CACNA2D1: variants seen among roughly 807,000 people sequenced by gnomAD.
CACNA2D1 encodes calcium voltage-gated channel auxiliary subunit alpha2delta 1, also known as voltage-dependent calcium channel subunit alpha-2/delta-1.
In CACNA2D1, 53 loss-of-function variants were observed where a neutral mutation model predicts 171.5. That is an observed-to-expected ratio of 0.31 (90% CI 0.25 to 0.39). The LOEUF (loss-of-function observed/expected upper bound fraction) is 0.39. Among genes scored for constraint, CACNA2D1 ranks in the 10% least tolerant of loss-of-function variants. The pLI is 1.00. For missense variants in CACNA2D1, 903 were observed against 1,299.8 expected, an observed-to-expected ratio of 0.69 and a Z score of 4.69; for synonymous variants, 442 against 443.1, an observed-to-expected ratio of 1.00 and a Z score of 0.03.
At chr7:82,375,634 A>G (rs1482240337) in intron 1 of CACNA2D1, among the ~76,000 whole-genome samples, 1 of 152,094 alleles carries the variant, frequency 6.6e-6, no homozygotes, top group Non-Finnish European at 1.5e-5. Flanking sequence ...ACAATTCTGT[A>G]TTTTTTTATT....
chr7:82,068,908 A>C (rs1807984825), intron 7 of CACNA2D1, among the ~76,000 whole-genome samples: 1 of 152,160 alleles, frequency 6.6e-6, no homozygotes. Context: ...AAGGAAAGAA[A>C]AAAGTTAAAA....
At chr7:82,216,829 T>A (rs1398432217) in intron 3 of CACNA2D1, among the ~76,000 whole-genome samples, 1 of 145,652 alleles carries the variant, frequency 6.9e-6, no homozygotes, top group African/African-American at 2.5e-5. Context: ...AGTAAATATA[T>A]CTGTCAAAAA....
intron 4 of CACNA2D1, among the ~76,000 whole-genome samples, chr7:82,169,014 C>T (rs1317195190): frequency 2.6e-5 from 4 of 152,044 alleles, no homozygotes; most frequent in Non-Finnish European, 4.4e-5. Flanking sequence ...TCTATTATGA[C>T]TTTACACTGC....
intron 3 of CACNA2D1, among the ~76,000 whole-genome samples, chr7:82,221,426 C>A (rs531071644): frequency 6.6e-6 from 1 of 152,020 alleles, no homozygotes; most frequent in African/African-American, 2.4e-5. Flanking sequence ...TCTCTAATTC[C>A]GATTGAGCTA....
intron 6 of CACNA2D1, among the ~76,000 whole-genome samples, chr7:82,094,246 A>C (rs1811589503): frequency 6.6e-6 from 1 of 152,190 alleles, no homozygotes; most frequent in African/African-American, 2.4e-5. Context: ...AAAAGAAAAA[A>C]AAAAACTATA....
At chr7:82,226,710 A>G (rs754077190) in intron 3 of CACNA2D1, among the ~76,000 whole-genome samples, 2 of 152,200 alleles carry the variant, frequency 1.3e-5, no homozygotes, top group Non-Finnish European at 2.9e-5. Context: ...ATACTATGAG[A>G]TCAGAAGAGA....
intron 5 of CACNA2D1, among the ~76,000 whole-genome samples, chr7:82,122,566 T>A (rs1789862766): frequency 6.6e-6 from 1 of 152,198 alleles, no homozygotes; most frequent in African/African-American, 2.4e-5. Flanking sequence ...ATATGTAGTA[T>A]GAAGTTTTCA....
chr7:82,193,456 G>C (rs1351152510), intron 3 of CACNA2D1, among the ~76,000 whole-genome samples: 2 of 151,760 alleles, frequency 1.3e-5, no homozygotes, highest in Non-Finnish European at 2.9e-5. Flanking sequence ...GAGATGCGTG[G>C]GTTTGTGGAA....
chr7:82,183,807 A>G (rs1797386236), intron 3 of CACNA2D1, among the ~76,000 whole-genome samples: 1 of 152,090 alleles, frequency 6.6e-6, no homozygotes, highest in Non-Finnish European at 1.5e-5. Context: ...TACGCTCCCA[A>G]GATTGTGTCA....
intron 1 of CACNA2D1, among the ~76,000 whole-genome samples, chr7:82,423,630 G>A (rs1415759626): frequency 2.0e-5 from 3 of 152,114 alleles, no homozygotes; most frequent in Non-Finnish European, 4.4e-5. Flanking sequence ...AAAGCATTAC[G>A]ATTACTTTGA....
chr7:82,288,428 C>CACAG (rs1811108810), intron 3 of CACNA2D1, among the ~76,000 whole-genome samples: 1 of 58,494 alleles, frequency 1.7e-5, no homozygotes, highest in Admixed American at 1.6e-4. Context: ...TCTATACACA[C>CACAG]ACACACACAC....
In CACNA2D1 at chr7:82,060,552, A is replaced by G. The variant is rs773002190; in HGVS notation, c.780-25T>C. Reference sequence around the variant, plus strand: ...CCTAGAAATAGACAAATGGGTCCATACATGTTACTCATCATGTATTTAATC... The same window carrying G: ...CCTAGAAATAGACAAATGGGTCCATGCATGTTACTCATCATGTATTTAATC... On this transcript the variant is annotated intron_variant, in intron 9 of 38. Transcript: ENST00000356860. The G allele has an allele frequency of 2.3e-5, 30 of 1,312,158 alleles. No homozygotes were observed. In the Admixed American group the frequency reaches 5.1e-4, roughly 22 times the overall value. 81.3% of individuals were successfully genotyped at this position (1,312,158 alleles called of 1,614,324 possible).
At chr7:82,419,612 A>G (rs1011871021) in intron 1 of CACNA2D1, among the ~76,000 whole-genome samples, 1 of 152,214 alleles carries the variant, frequency 6.6e-6, no homozygotes, top group South Asian at 2.1e-4. Context: ...ACTAAATTTA[A>G]CAGCTTAATT....
intron 3 of CACNA2D1, among the ~76,000 whole-genome samples, chr7:82,329,684 AT>A (rs1248273763): frequency 6.6e-6 from 1 of 152,160 alleles, no homozygotes; most frequent in Non-Finnish European, 1.5e-5. Context: ...ACATTGTTTG[AT>A]TTGAGATTGC....
intron 1 of CACNA2D1, among the ~76,000 whole-genome samples, chr7:82,397,654 G>C (rs1825884613): frequency 6.6e-6 from 1 of 152,156 alleles, no homozygotes; most frequent in African/African-American, 2.4e-5. Context: ...TATCAGTATA[G>C]AAAGTAGCAA....
At chr7:82,007,259 T>TG (rs1426930223) in intron 16 of CACNA2D1, among the ~76,000 whole-genome samples, 1 of 152,158 alleles carries the variant, frequency 6.6e-6, no homozygotes, top group Non-Finnish European at 1.5e-5. Context: ...AGCTATTGTT[T>TG]GGGAGTTGGG....
At chr7:81,993,586 G>A (rs968478716) in intron 20 of CACNA2D1, among the ~76,000 whole-genome samples, 41 of 152,034 alleles carry the variant, frequency 2.7e-4, no homozygotes, top group African/African-American at 7.2e-5. Context: ...AGAATAATAC[G>A]TATGCACAGT....
chr7:82,072,562 C>G (rs913186030), intron 7 of CACNA2D1, among the ~76,000 whole-genome samples: 1 of 151,158 alleles, frequency 6.6e-6, no homozygotes, highest in Non-Finnish European at 1.5e-5. Context: ...TGCTGAATGT[C>G]TAAAGCTTTA....
At chr7:82,415,138 T>TC (rs1828040182) in intron 1 of CACNA2D1, among the ~76,000 whole-genome samples, 1 of 152,178 alleles carries the variant, frequency 6.6e-6, no homozygotes, top group Admixed American at 6.5e-5. Flanking sequence ...TCCCCTGTGG[T>TC]TGCACCACAG....
Sources: gnomAD v4.1 joint callset for allele counts (sites outside exome capture counted in the v4.1 genomes callset) on GRCh38, gnomAD v4.1.1 for gene constraint, MANE v1.5 for transcripts, NCBI Gene and HGNC (gene_info 2026-07-23, HGNC 2026-07-21) for gene names.